The following USH1C variants were observed in gnomAD, a reference collection of about 807,000 sequenced individuals.
USH1C encodes USH1 protein network component harmonin.
A neutral mutation model predicts 119.3 loss-of-function variants in USH1C; 90 were observed. The ratio of observed to expected loss-of-function variants is 0.75; its 90% CI spans 0.64 to 0.90. The LOEUF is 0.90. Among genes scored for constraint, USH1C ranks in the 40% least tolerant of loss-of-function variants. The pLI is 0.00. For synonymous variants in USH1C, 465 were observed against 443.3 expected (o/e 1.05, Z -0.62); for missense variants, 1,165 against 1,167.7 (o/e 1.00, Z 0.03).
At chr11:17,503,037 G>A (rs1036847793) in intron 20 of USH1C, among the ~76,000 whole-genome samples, 1 of 152,140 alleles carries the variant, frequency 6.6e-6, no homozygotes, top group Non-Finnish European at 1.5e-5. Flanking sequence ...TAGGTTCCGG[G>A]CACAAGATGA....
Position 17,509,720 on chromosome 11 carries a change from A to T in USH1C, c.1649T>A (p.Met550Lys). ...TTDLDDIPLDMFYYPPKTPSA... is the reference protein window; with the variant it reads ...TTDLDDIPLDKFYYPPKTPSA... The stretch of plus-strand genomic sequence containing the variant: ...GGGAGTCTTGGGGGGATAGTAGAAC[A>T]TGTCCAAAGGGATGTCGTCCAGGTC... Residue 550 changes from methionine to lysine, a missense_variant, in exon 18 of 27, where the codon ATG becomes AAG. Transcript: ENST00000005226. The T allele has an allele frequency of 6.3e-7, 1 of 1,599,690 alleles. No homozygotes were observed. The highest frequency in any genetic ancestry group is 1.1e-5 in the South Asian group (1 of 90,668).
At chr11:17,495,455 G>A (rs1045714725) in intron 26 of USH1C, 114 bp downstream of exon 26, 73 of 1,102,034 alleles carry the variant, frequency 6.6e-5, no homozygotes, top group Middle Eastern at 2.9e-4. Flanking sequence ...CAGGGATGGC[G>A]CCTTGTGTAC....
At position 17,531,413 on chromosome 11, in the gene USH1C, G is replaced by T. The variant is rs2133919710; in HGVS notation, c.234C>A (p.Thr78=). 6.2e-7 allele frequency: 1 copy of T among 1,613,908 alleles called. No homozygotes were observed. Among genetic ancestry groups the T allele is most frequent in the African/African-American group, 1.3e-5 (1 of 75,050 alleles). The part of the protein sequence containing the change: ...LKHQVEYDQL[T]PRRSRKLKEV... ...TTCCTCTGCACCTGGAGCGCCGGGG[G>T]GTCAGCTGATCATATTCCACCTGGT... The change falls in exon 3 of 27, where the codon ACC becomes ACA. Residue 78 remains threonine, a synonymous_variant. Transcript: ENST00000005226. The surrounding 1 kb of genome is among the most constrained non-coding windows in gnomAD (Gnocchi z 4.2).
Position 17,522,895 on chromosome 11 carries a change from CG to C in USH1C, c.907del (p.Arg303GlyfsTer62). 1 of 1,612,776 alleles carries C rather than the reference CG, an allele frequency of 6.2e-7. No individual in the cohort carries two copies. Among genetic ancestry groups the C allele is most frequent in the Non-Finnish European group, 8.5e-7 (1 of 1,179,546 alleles). On this transcript the variant is annotated frameshift_variant, in exon 12 of 27. Transcript: ENST00000005226. LOFTEE classifies it high-confidence loss of function. The stretch of plus-strand genomic sequence containing the variant: ...CTCACGCTGCCGCGCCTCTGCCAGC[CG>C]CTCCCGGTCTGTCATGAACAGCTCC... ...GRELFMTDRERLAEARQRELQ... is the reference protein window; with the variant it reads ...GRELFMTDREXLAEARQRELQ...
chr11:17,504,021 G>T (rs2133795902), intron 20 of USH1C, among the ~76,000 whole-genome samples: 1 of 152,316 alleles, frequency 6.6e-6, no homozygotes, highest in African/African-American at 2.4e-5. Flanking sequence ...CTGTCCTGGG[G>T]TTTCTTTCAT....
At chr11:17,530,629 G>A (rs532568764) in intron 4 of USH1C, among the ~76,000 whole-genome samples, 19 of 152,284 alleles carry the variant, frequency 1.2e-4, no homozygotes, top group Admixed American at 7.8e-4. Context: ...AAAACCTGAC[G>A]AGGTAGACAG....
rs1554963783 is a variant in USH1C, at chr11:17,533,364, C to CCT, written c.37-43_37-42insAG. The CCT allele has an allele frequency of 1.2e-4, 161 of 1,343,764 alleles. 2 individuals carry two copies. The Middle Eastern group carries it at 2.2e-3, about 18-fold the overall frequency. The allele number at this position is 1,343,764 out of a possible 1,614,324, so 83.2% of individuals were successfully genotyped here. ...CAGAATCACAGCTCCAGGCTCAGCA[C>CCT]CCGCCCCCATAGCAGACCTCAGGGA... On this transcript the variant is annotated intron_variant, in intron 1 of 26. Coordinates refer to ENST00000005226, the MANE Select transcript of USH1C (RefSeq NM_153676.4).
At position 17,510,476 on chromosome 11, in the gene USH1C, G is replaced by C; in HGVS notation, c.1459C>G (p.Gln487Glu). The change falls in exon 17 of 27, where the codon CAA becomes GAA. Residue 487 changes from glutamine (Q) to glutamate (E), a missense_variant. Transcript: ENST00000005226. Reference sequence around the variant, plus strand: ...TGACAGAGCCTCTCCACCCAATATTGAATCTTTTCCGATTCTTCAAGGTCT... The same window carrying C: ...TGACAGAGCCTCTCCACCCAATATTCAATCTTTTCCGATTCTTCAAGGTCT... The part of the protein sequence containing the change: ...REDLEESEKI[Q>E]YWVERLCQTR... The C allele has an allele frequency of 6.2e-7, 1 of 1,613,774 alleles. No individual in the cohort carries two copies. The highest frequency in any genetic ancestry group is 8.5e-7 in the Non-Finnish European group (1 of 1,179,984).
At chr11:17,542,428 T>C (rs887892633) in intron 1 of USH1C, among the ~76,000 whole-genome samples, 1 of 152,234 alleles carries the variant, frequency 6.6e-6, no homozygotes, top group Admixed American at 6.5e-5. Context: ...GGGCACAAAG[T>C]CCAGCCTGGG....
At position 17,531,233 on chromosome 11, in the gene USH1C, C is replaced by T. The variant is rs397514500; in HGVS notation, c.308G>A (p.Arg103His). ...CCCACAGCCAAACTCCAGGCCACCA[C>T]GCACACTCAGGCCGAGGCCTTCGGG... is the stretch of plus-strand genomic sequence containing the variant. ...LHPEGLGLSV[R>H]GGLEFGCGLF... is the part of the protein sequence containing the mutation. The change falls in exon 4 of 27, where the codon CGT (arginine) becomes CAT (histidine). Residue 103 changes from arginine (R) to histidine (H), a missense_variant. Transcript: ENST00000005226. The surrounding 1 kb of genome is among the most constrained non-coding windows in gnomAD (Gnocchi z 4.2). 26 of 1,614,056 alleles carry T rather than the reference C, an allele frequency of 1.6e-5. No homozygotes were observed. The highest frequency in any genetic ancestry group is 6.7e-5 in the East Asian group (3 of 44,892).
At chr11:17,540,709 G>A (rs530535796) in intron 1 of USH1C, among the ~76,000 whole-genome samples, 1 of 152,258 alleles carries the variant, frequency 6.6e-6, no homozygotes, top group East Asian at 1.9e-4. Context: ...CATCAGCAAA[G>A]CCTGTCAGTT....
At chr11:17,544,016 C>T (rs1259247340) in intron 1 of USH1C, among the ~76,000 whole-genome samples, 2 of 152,234 alleles carry the variant, frequency 1.3e-5, no homozygotes, top group Non-Finnish European at 2.9e-5. Context: ...ACGTCCCTGC[C>T]CCTGGAAGGC....
intron 1 of USH1C, chr11:17,533,914 C>T: frequency 1.1e-5 from 4 of 349,048 alleles, no homozygotes; most frequent in South Asian, 9.1e-5. Context: ...CACTCCTTCC[C>T]CCTCCCCAGG....
At chr11:17,536,311 C>T (rs901091128) in intron 1 of USH1C, among the ~76,000 whole-genome samples, 5 of 152,214 alleles carry the variant, frequency 3.3e-5, no homozygotes, top group African/African-American at 7.2e-5. Context: ...CCCTCTTATC[C>T]CTCTTTGCAG....
At chr11:17,520,745 C>T (rs1407559945) in intron 14 of USH1C, 125 bp downstream of exon 14, 24 of 1,199,636 alleles carry the variant, frequency 2.0e-5, no homozygotes, top group Non-Finnish European at 2.8e-5. Flanking sequence ...ACAGCTGCCC[C>T]TCCATGAAGG....
chr11:17,526,048 A>G (rs985687624), intron 8 of USH1C, among the ~76,000 whole-genome samples: 3 of 152,116 alleles, frequency 2.0e-5, no homozygotes, highest in African/African-American at 7.2e-5. Context: ...AAAAAAATTA[A>G]AAGTTAGCTG....
chr11:17,496,308 G>GGGATCC (rs1849247984), intron 25 of USH1C, among the ~76,000 whole-genome samples: 1 of 152,180 alleles, frequency 6.6e-6, no homozygotes, highest in Non-Finnish European at 1.5e-5. Context: ...CCCACAGCGT[G>GGGATCC]GGGACAAAAG....
chr11:17,526,347 C>T lies in USH1C; in HGVS notation c.674G>A (p.Ser225Asn). Residue 225 changes from serine (S) to asparagine (N), a missense_variant and splice_region_variant, in exon 8 of 27, where the codon AGC becomes AAC. Physicochemically the swap from Ser to Asn is conservative, Grantham distance 46 (BLOSUM62 1). Coordinates refer to ENST00000005226, the MANE Select transcript of USH1C (RefSeq NM_153676.4). Reference protein sequence around the residue: ...SLVGSRGLGCSISSGPIQKPG... With the variant: ...SLVGSRGLGCNISSGPIQKPG... ...ACCCCAGGGCATGCCTGCCACCCAC[C>T]TGCAGCCAAGGCCTCGGGAGCCTAC... 6.2e-7 allele frequency: 1 copy of T among 1,613,358 alleles called. No homozygotes were observed.
chr11:17,524,678 A>G, intron 8 of USH1C, 143 bp from the exon 9 acceptor site: 1 of 928,550 alleles, frequency 1.1e-6, no homozygotes, highest in Middle Eastern at 2.2e-4. Context: ...CCTGATTTCT[A>G]CTGCTACCCT....
Sources: gnomAD v4.1 joint callset for allele counts (sites outside exome capture counted in the v4.1 genomes callset) on GRCh38, gnomAD v4.1.1 for gene constraint, Gnocchi (gnomAD v3.1) non-coding constraint, MANE v1.5 for transcripts, NCBI Gene and HGNC (gene_info 2026-07-23, HGNC 2026-07-21) for gene names.